The following MDN1 variants were observed in gnomAD, a reference collection of about 807,000 sequenced individuals.
MDN1 encodes midasin AAA ATPase 1.
A neutral mutation model predicts 669.2 loss-of-function variants in MDN1; 266 were observed. The observed-to-expected ratio is 0.40, with a 90% CI of 0.36 to 0.44. The LOEUF is 0.44. Ranked by LOEUF, MDN1 falls within the 20% of genes least tolerant of loss-of-function variation. The probability of loss-of-function intolerance (pLI) is 1.00; values close to 1 mark genes in which losing one functional copy is unlikely to be tolerated. For missense variants in MDN1, 5,940 were observed against 6,754.0 expected (o/e 0.88, Z 4.22); for synonymous variants, 2,385 against 2,457.1 (o/e 0.97, Z 0.87).
rs542672065 is a variant in MDN1 at position 89,729,516 on chromosome 6, A to G, written c.5141-377T>C. On this transcript the variant is annotated intron_variant, in intron 35 of 101. Transcript: ENST00000369393. ...AGTGTAAGCTAGGCATATGGGCCACATGGTTCCACATAATCAACTTCATCC... is the reference window on the plus strand; with the variant it reads ...AGTGTAAGCTAGGCATATGGGCCACGTGGTTCCACATAATCAACTTCATCC... 2.6e-4 allele frequency among the ~76,000 whole-genome samples: 40 copies of G among 152,324 alleles called. 1 individual carries two copies. Among genetic ancestry groups the G allele is most frequent in the Admixed American group, 1.1e-3 (17 of 15,294 alleles).
intron 100 of MDN1, among the ~76,000 whole-genome samples, chr6:89,645,687 TAGAA>T (rs569944428): frequency 3.5e-4 from 53 of 152,324 alleles, no homozygotes; most frequent in South Asian, 1.4e-3. Flanking sequence ...CAAAAACAAA[TAGAA>T]AGGAAACACT....
rs1812620136 is a variant in MDN1, at chr6:89,694,766, T to C, written c.9772-583A>G. Among the ~76,000 whole-genome samples the C allele has an allele frequency of 2.6e-5, 4 of 151,704 alleles. No homozygotes were observed. In the South Asian group the frequency reaches 8.3e-4, roughly 32 times the overall value. On this transcript the variant is annotated intron_variant, in intron 61 of 101. Transcript: ENST00000369393. ...AATCTTACTATGTGGTGGCCCAGGT[T>C]AGTCTCAAACTCCTGGGCTCAACTG...
intron 46 of MDN1, 61 bp downstream of exon 46, chr6:89,714,482 G>T (rs1205181540): frequency 1.4e-5 from 19 of 1,345,926 alleles, no homozygotes; most frequent in Non-Finnish European, 1.9e-5. Flanking sequence ...CAGTCCAATG[G>T]AATGACATAA....
At position 89,801,419 on chromosome 6, in the gene MDN1, G is replaced by A. The variant is rs191069386; in HGVS notation, c.329+1909C>T. Among the ~76,000 whole-genome samples the A allele has an allele frequency of 2.1e-3, 314 of 152,244 alleles. 1 individual carries two copies. The highest frequency in any genetic ancestry group is 3.6e-3 in the Non-Finnish European group (248 of 68,022). ...TATAATCCCAGCAATCTGGGAGGTCGAGGTAGGCAGATCACGAGGTCAGGA... is the reference window on the plus strand; with the variant it reads ...TATAATCCCAGCAATCTGGGAGGTCAAGGTAGGCAGATCACGAGGTCAGGA... On this transcript the variant is annotated intron_variant, in intron 2 of 101. Transcript: ENST00000369393.
chr6:89,743,089 G>GA (rs369676011), intron 31 of MDN1, 61 bp downstream of exon 31: 110,284 of 1,115,338 alleles, frequency 0.099, 892 homozygotes, highest in South Asian at 0.19. Flanking sequence ...GTCTCAGGGA[G>GA]AAAAAAAAAA....
chr6:89,683,345 T>C lies in MDN1; in HGVS notation c.11904-15A>G. ...TAAAGAGTGTCCTGTCCCCAGGTAA[T>C]GACAGAGATAAGAAGAAAAAAACTG... On this transcript the variant is annotated splice_polypyrimidine_tract_variant and intron_variant, in intron 72 of 101. Transcript: ENST00000369393. 6.2e-7 allele frequency: 1 copy of C among 1,611,564 alleles called. No homozygotes were observed. The highest frequency in any genetic ancestry group is 8.5e-7 in the Non-Finnish European group (1 of 1,178,526).
chr6:89,778,419 T>C lies in MDN1; in HGVS notation c.1726-1724A>G, dbSNP rs75152154. ...GACCCAAATAATGGCACCCCTAAAA[T>C]TCAGTAATAAGCAGGAAAACTTATA... On this transcript the variant is annotated intron_variant, in intron 11 of 101. Transcript: ENST00000369393. Among the ~76,000 whole-genome samples the C allele has an allele frequency of 7.8e-3, 1,189 of 152,080 alleles. 17 individuals carry two copies. Among genetic ancestry groups the C allele is most frequent in the African/African-American group, 0.028 (1,144 of 41,492 alleles).
intron 58 of MDN1, 80 bp from the exon 59 acceptor site, chr6:89,699,115 C>T (rs774576515): frequency 1.6e-6 from 2 of 1,257,788 alleles, no homozygotes; most frequent in East Asian, 5.0e-5. Flanking sequence ...CTTCTAAGGC[C>T]CATCTAAAAC....
At chr6:89,809,560 GA>G (rs898340061) in intron 1 of MDN1, among the ~76,000 whole-genome samples, 8 of 151,842 alleles carry the variant, frequency 5.3e-5, no homozygotes, top group Non-Finnish European at 1.2e-4. Flanking sequence ...TGGATTACTT[GA>G]GGTCAGGAAT....
rs1248383212 is a variant in MDN1 at position 89,699,650 on chromosome 6, A to C, written c.8948T>G (p.Val2983Gly). ...LISFCLYHTP[V>G]TPQELRDLWS... ...CAGATCTCGAAGCTCTTGAGGTGTA[A>C]CAGGTGTGTGATAAAGACAAAATGA... Residue 2983 changes from valine to glycine, a missense_variant, in exon 58 of 102, where the codon GTT becomes GGT. Around this residue, in one of 5 missense-constraint regions of MDN1, gnomAD observed 2,292 missense variants for 2,638.3 expected, o/e 0.87. Transcript: ENST00000369393. 1 of 1,613,950 alleles carries C rather than the reference A, an allele frequency of 6.2e-7. No individual in the cohort carries two copies. The highest frequency in any genetic ancestry group is 8.5e-7 in the Non-Finnish European group (1 of 1,179,982).
rs1816152038 is a variant in MDN1, at chr6:89,739,070, T to C, written c.4594-615A>G. 3.3e-5 allele frequency among the ~76,000 whole-genome samples: 5 copies of C among 152,200 alleles called. No homozygotes were observed. In the South Asian group the frequency reaches 1.0e-3, roughly 32 times the overall value. ...ATCATTATTGGTTTGTCTGATTACT[T>C]TGTAATTACTTTCCTTTTACTTGAT... On this transcript the variant is annotated intron_variant, in intron 32 of 101. Coordinates refer to ENST00000369393, the MANE Select transcript of MDN1 (RefSeq NM_014611.3).
intron 17 of MDN1, among the ~76,000 whole-genome samples, chr6:89,761,344 G>A (rs1817535808): frequency 6.6e-6 from 1 of 152,140 alleles, no homozygotes; most frequent in Admixed American, 6.6e-5. Flanking sequence ...CGGTATTTGA[G>A]ATGATGAATA....
At chr6:89,696,115 A>G (rs1812720182) in intron 60 of MDN1, 123 bp from the exon 61 acceptor site, 1 of 1,343,766 alleles carries the variant, frequency 7.4e-7, no homozygotes, top group African/African-American at 1.5e-5. Flanking sequence ...GTAGAGGTGA[A>G]TTTCTGTTCT....
intron 90 of MDN1, 108 bp from the exon 91 acceptor site, chr6:89,656,909 G>T: frequency 1.1e-6 from 1 of 938,536 alleles, no homozygotes; most frequent in Non-Finnish European, 1.6e-6. Flanking sequence ...TTTATTCTCA[G>T]TCATATAATC....
chr6:89,764,637 TGAG>T (rs773321000), intron 15 of MDN1, among the ~76,000 whole-genome samples: 8 of 152,198 alleles, frequency 5.3e-5, no homozygotes, highest in Admixed American at 2.0e-4. Context: ...AAGGCTTTGT[TGAG>T]GAGGGGACAT....
chr6:89,730,490 T>A (rs1253154896), intron 35 of MDN1, among the ~76,000 whole-genome samples: 2 of 152,182 alleles, frequency 1.3e-5, no homozygotes, highest in Non-Finnish European at 2.9e-5. Flanking sequence ...AATAAAAAAA[T>A]AAGCACTGTA....
intron 5 of MDN1, among the ~76,000 whole-genome samples, chr6:89,791,182 A>G (rs1374035424): frequency 6.6e-6 from 1 of 152,168 alleles, no homozygotes; most frequent in African/African-American, 2.4e-5. Flanking sequence ...TTAAGTAGCC[A>G]AAAAAGCTGA....
chr6:89,729,677 GT>G (rs35914010), intron 35 of MDN1, among the ~76,000 whole-genome samples: 186 of 100,760 alleles, frequency 1.8e-3, no homozygotes, highest in African/African-American at 4.5e-3. Flanking sequence ...TTTTGTTTTC[GT>G]TTTTTTTTTT....
intron 83 of MDN1, among the ~76,000 whole-genome samples, chr6:89,670,160 ATATATATATATTTTTTTT>A (rs1436592543): frequency 1.6e-4 from 7 of 43,032 alleles, no homozygotes; most frequent in African/African-American, 7.9e-4. Context: ...ATATATATAT[ATATATATATATTTTTTTT>A]TTTTTTTTTT....
Sources: gnomAD v4.1 joint callset for allele counts (sites outside exome capture counted in the v4.1 genomes callset) on GRCh38, gnomAD v4.1.1 for gene constraint, gnomAD v4.1.1 regional missense constraint, MANE v1.5 for transcripts, NCBI Gene and HGNC (gene_info 2026-07-23, HGNC 2026-07-21) for gene names.